CCDC175: variants seen among roughly 807,000 people sequenced by gnomAD.
CCDC175 encodes coiled-coil domain-containing protein 175.
CCDC175 carries 100 observed loss-of-function variants against 114.6 expected under a neutral mutation model. That is an observed-to-expected ratio of 0.87 (90% CI 0.74 to 1.03). The LOEUF is 1.03. Ranked by LOEUF, CCDC175 falls within the 50% of genes least tolerant of loss-of-function variation. CCDC175 has a pLI of 0.00. For synonymous variants in CCDC175, 306 were observed against 308.7 expected, an observed-to-expected ratio of 0.99 and a Z score of 0.09; for missense variants, 880 against 917.8, an observed-to-expected ratio of 0.96 and a Z score of 0.53.
At chr14:59,521,997 A>T (rs1425601225) in intron 16 of CCDC175, among the ~76,000 whole-genome samples, 1 of 152,258 alleles carries the variant, frequency 6.6e-6, no homozygotes, top group Non-Finnish European at 1.5e-5. Context: ...CCTTATGCAA[A>T]ATGTGTGTAC....
At chr14:59,541,463 T>G (rs1894782707) in intron 10 of CCDC175, among the ~76,000 whole-genome samples, 1 of 152,174 alleles carries the variant, frequency 6.6e-6, no homozygotes, top group African/African-American at 2.4e-5. Flanking sequence ...ATAAGTAAAA[T>G]GCTGCTTTAT....
intron 1 of CCDC175, among the ~76,000 whole-genome samples, chr14:59,575,369 G>A (rs950955411): frequency 6.6e-6 from 1 of 152,118 alleles, no homozygotes; most frequent in African/African-American, 2.4e-5. Context: ...AAGTACTAGG[G>A]TTGCATTGGC....
chr14:59,534,078 G>A (rs1411216620), intron 13 of CCDC175, among the ~76,000 whole-genome samples: 1 of 151,666 alleles, frequency 6.6e-6, no homozygotes, highest in Non-Finnish European at 1.5e-5. Context: ...GTTTGTATGT[G>A]CATGCATTAA....
intron 15 of CCDC175, 62 bp downstream of exon 15, chr14:59,527,033 C>T (rs1595002861): frequency 8.3e-6 from 7 of 845,620 alleles, no homozygotes; most frequent in South Asian, 2.0e-5. Context: ...TAAATACTAC[C>T]ATCTGTATAT....
chr14:59,538,259 A>C, intron 12 of CCDC175, 105 bp from the exon 13 acceptor site: 1 of 917,052 alleles, frequency 1.1e-6, no homozygotes, highest in Non-Finnish European at 1.6e-6. Context: ...CCTGCTTCTG[A>C]TTTCAGTTCA....
At chr14:59,531,559 A>G (rs1894074569) in intron 14 of CCDC175, among the ~76,000 whole-genome samples, 1 of 152,216 alleles carries the variant, frequency 6.6e-6, no homozygotes, top group South Asian at 2.1e-4. Context: ...TTAAAAGAGA[A>G]AAGGAAAATT....
intron 13 of CCDC175, among the ~76,000 whole-genome samples, chr14:59,534,502 C>T (rs1052505995): frequency 1.3e-5 from 2 of 152,184 alleles, no homozygotes; most frequent in East Asian, 3.8e-4. Context: ...GCCCTGCTGA[C>T]TTCAGGCCCC....
At chr14:59,566,510 T>C (rs1319361042) in intron 4 of CCDC175, among the ~76,000 whole-genome samples, 2 of 152,174 alleles carry the variant, frequency 1.3e-5, no homozygotes, top group Non-Finnish European at 2.9e-5. Flanking sequence ...AGAGGCTCAG[T>C]AGGTGGTCAG....
intron 4 of CCDC175, among the ~76,000 whole-genome samples, chr14:59,567,585 AAT>A (rs1896632997): frequency 6.6e-6 from 1 of 152,168 alleles, no homozygotes; most frequent in African/African-American, 2.4e-5. Context: ...TATCTTTCAG[AAT>A]ATATCTCTTC....
At chr14:59,530,880 G>A (rs1248444026) in intron 14 of CCDC175, among the ~76,000 whole-genome samples, 1 of 152,026 alleles carries the variant, frequency 6.6e-6, no homozygotes, top group Non-Finnish European at 1.5e-5. Flanking sequence ...TGATTCCCAT[G>A]TCTCTTCTTT....
At position 59,505,284 on chromosome 14, in the gene CCDC175, A is replaced by G. The variant is rs1051345050; in HGVS notation, c.2337T>C (p.His779=). 4 of 1,510,292 alleles carry G rather than the reference A, an allele frequency of 2.6e-6. No homozygotes were observed. The highest frequency in any genetic ancestry group is 3.5e-6 in the Non-Finnish European group (4 of 1,128,958). The allele number at this position is 1,510,292 out of a possible 1,614,324, so 93.6% of individuals were successfully genotyped here. A position where few individuals can be genotyped will look rare whatever the true frequency, so the allele number is the denominator to read the frequency against. The change falls in exon 20 of 20, where the codon CAT becomes CAC. Residue 779 remains histidine (H), a synonymous_variant. Coordinates refer to ENST00000537690, the MANE Select transcript of CCDC175 (RefSeq NM_001164399.2). ...KKKKHIRTRV[H]FPVVKCTEKN... is the part of the protein sequence containing the mutation. ...TCTCAGTACATTTAACCACTGGGAA[A>G]TGAACCCTTGTACGAATGTGTTTCT... is the stretch of plus-strand genomic sequence containing the variant.
intron 17 of CCDC175, among the ~76,000 whole-genome samples, chr14:59,512,629 T>C (rs576663947): frequency 6.6e-6 from 1 of 152,244 alleles, no homozygotes; most frequent in East Asian, 1.9e-4. Flanking sequence ...AGCCTAAGGG[T>C]AGTCCTGGGA....
chr14:59,552,989 T>C (rs1302916906), intron 7 of CCDC175, among the ~76,000 whole-genome samples: 4 of 152,192 alleles, frequency 2.6e-5, no homozygotes, highest in East Asian at 1.9e-4. Context: ...CTACGTCTGA[T>C]TGGTGTACCT....
At chr14:59,562,812 T>C (rs910872286) in intron 6 of CCDC175, among the ~76,000 whole-genome samples, 13 of 152,332 alleles carry the variant, frequency 8.5e-5, no homozygotes, top group African/African-American at 3.1e-4. Flanking sequence ...TTATATAGCC[T>C]TTCTATTTTC....
chr14:59,543,491 C>A, intron 9 of CCDC175, 37 bp from the exon 10 acceptor site: 1 of 726,770 alleles, frequency 1.4e-6, no homozygotes, highest in Admixed American at 3.3e-5. Flanking sequence ...TGAAGGCTGA[C>A]ATAAATATGC....
In CCDC175 at chr14:59,556,649, G is replaced by C. The variant is rs1051165773; in HGVS notation, c.953+4470C>G. ...ACTAAAGAGCTTCTGCACAGCAAAAGAAACTACCATCAGAGTGAATAGGCA... is the reference window on the plus strand; with the variant it reads ...ACTAAAGAGCTTCTGCACAGCAAAACAAACTACCATCAGAGTGAATAGGCA... On this transcript the variant is annotated intron_variant, in intron 7 of 19. Coordinates refer to ENST00000537690, the MANE Select transcript of CCDC175 (RefSeq NM_001164399.2). Among the ~76,000 whole-genome samples the C allele has an allele frequency of 2.6e-5, 4 of 152,118 alleles. 1 individual carries two copies. The highest frequency in any genetic ancestry group is 1.3e-4 in the Admixed American group (2 of 15,276).
intron 11 of CCDC175, 89 bp downstream of exon 11, chr14:59,540,586 C>G: frequency 7.5e-7 from 1 of 1,340,676 alleles, no homozygotes; most frequent in Non-Finnish European, 1.0e-6. Context: ...CTAGTAACAA[C>G]AAGTACTCTG....
In CCDC175 at chr14:59,535,323, G is replaced by A. The variant is rs76631662; in HGVS notation, c.1623+2700C>T. On this transcript the variant is annotated intron_variant, in intron 13 of 19. Transcript: ENST00000537690. ...TGCAGTTGATTTTCTTGAGTTTTGC[G>A]ATCTACTGATCATCTCATCTGCCAA... Among the ~76,000 whole-genome samples the A allele has an allele frequency of 8.4e-3, 1,281 of 152,220 alleles. 7 individuals carry two copies. Among genetic ancestry groups the A allele is most frequent in the Non-Finnish European group, 0.013 (874 of 68,012 alleles).
chr14:59,564,015 G>A (rs1325647796), intron 5 of CCDC175, among the ~76,000 whole-genome samples, 156 bp from the exon 6 acceptor site: 1 of 152,010 alleles, frequency 6.6e-6, no homozygotes, highest in Non-Finnish European at 1.5e-5. Context: ...AAAAACCAGG[G>A]TTTCCTTATT....
Sources: allele counts gnomAD v4.1 joint callset (sites outside exome capture counted in the v4.1 genomes callset), GRCh38; gene constraint gnomAD v4.1.1; transcripts MANE v1.5; gene names NCBI Gene and HGNC (gene_info 2026-07-23, HGNC 2026-07-21).